The following COL10A1 variants were observed in gnomAD, a reference collection of about 807,000 sequenced individuals.
COL10A1 encodes collagen alpha-1(X) chain.
A neutral mutation model predicts 18.2 loss-of-function variants in COL10A1; 10 were observed. That is an observed-to-expected ratio of 0.55 (90% CI 0.34 to 0.93). The LOEUF is 0.93. Among genes scored for constraint, COL10A1 ranks in the 40% least tolerant of loss-of-function variants. The pLI, the probability that COL10A1 is intolerant of heterozygous loss-of-function variation, is 0.02. For synonymous variants in COL10A1, 330 were observed against 316.6 expected (o/e 1.04, Z -0.45); for missense variants, 897 against 853.5 (o/e 1.05, Z -0.64).
intron 1 of COL10A1, among the ~76,000 whole-genome samples, chr6:116,153,401 G>C (rs1035107905): frequency 6.6e-6 from 1 of 152,118 alleles, no homozygotes; most frequent in African/African-American, 2.4e-5. Flanking sequence ...TCTGTTGTCA[G>C]ATGATACATT....
chr6:116,194,099 A>G, the COL10A1 span, among the ~76,000 whole-genome samples: 1 of 152,024 alleles, frequency 6.6e-6, no homozygotes, highest in Non-Finnish European at 1.5e-5. Context: ...AAGTAAAAGC[A>G]ATTAGGAACT....
chr6:116,145,211 G>GATAACAGCTAACTATTAAATGTCCCCAAA (rs2114378498), intron 1 of COL10A1, among the ~76,000 whole-genome samples: 2 of 152,230 alleles, frequency 1.3e-5, no homozygotes, highest in African/African-American at 4.8e-5. Context: ...GAGGACAACT[G>GATAACAGCTAACTATTAAATGTCCCCAAA]ATAACAGCTA....
At position 116,140,722 on chromosome 6, in the gene COL10A1, A is replaced by G. The variant is rs529559313; in HGVS notation, c.-15-15215T>C. 1.2e-3 allele frequency among the ~76,000 whole-genome samples: 183 copies of G among 152,292 alleles called. 1 individual carries two copies. Among genetic ancestry groups the G allele is most frequent in the South Asian group, 7.7e-3 (37 of 4,826 alleles). On this transcript the variant is annotated intron_variant, in intron 1 of 1. Transcript: ENST00000418500. ...TTGCATGTTTTTAAATTATATATTTAAAAGGAATTACACTGTATGTATCTG... is the reference window on the plus strand; with the variant it reads ...TTGCATGTTTTTAAATTATATATTTGAAAGGAATTACACTGTATGTATCTG...
Position 116,121,626 on chromosome 6 carries a change from T to G in COL10A1, c.490A>C (p.Thr164Pro), listed in dbSNP as rs527396680. 8 of 1,613,918 alleles carry G rather than the reference T, an allele frequency of 5.0e-6. No individual in the cohort carries two copies. In the Admixed American group the frequency reaches 1.2e-4, roughly 24 times the overall value. Residue 164 changes from threonine (T) to proline (P), a missense_variant, in exon 3 of 3, where the codon ACA becomes CCA. Thr to Pro is a conservative substitution (Grantham distance 38). Transcript: ENST00000651968. ...AAGCCCCTGGGTCCTGGGGCTCCTG[T>G]GGGTCCCTGTTGTCCAGGTTTTCCT... ...VPGKPGQQGP[T>P]GAPGPRGFPG... is the part of the protein sequence containing the mutation.
At chr6:116,192,305 CAATA>C in the COL10A1 span, among the ~76,000 whole-genome samples, 1 of 151,840 alleles carries the variant, frequency 6.6e-6, no homozygotes, top group Non-Finnish European at 1.5e-5. Flanking sequence ...GAGGAGCTCT[CAATA>C]AATATCAGCA....
the COL10A1 span, among the ~76,000 whole-genome samples, chr6:116,184,954 G>A: frequency 1.6e-4 from 25 of 151,982 alleles, no homozygotes; most frequent in African/African-American, 6.0e-4. Flanking sequence ...CTAGCTCCTT[G>A]AGTGTGACCT....
chr6:116,169,019 A>G, the COL10A1 span, among the ~76,000 whole-genome samples: 1 of 152,046 alleles, frequency 6.6e-6, no homozygotes, highest in African/African-American at 2.4e-5. Context: ...ATTAGCCTCT[A>G]CCTAACCTTG....
chr6:116,158,648 G>C (rs1391916675), exon 1 of COL10A1: 1 of 152,110 alleles, frequency 6.6e-6, no homozygotes, highest in Non-Finnish European at 1.5e-5. Flanking sequence ...TATGCTTGTT[G>C]TTGGCTGCTC....
the COL10A1 span, among the ~76,000 whole-genome samples, chr6:116,176,877 C>T: frequency 6.6e-6 from 1 of 152,160 alleles, no homozygotes; most frequent in Non-Finnish European, 1.5e-5. Context: ...CTTCTCACTT[C>T]TCCAAGTGCA....
the COL10A1 span, among the ~76,000 whole-genome samples, chr6:116,214,338 A>G: frequency 2.6e-5 from 4 of 152,312 alleles, no homozygotes; most frequent in South Asian, 8.3e-4. Flanking sequence ...TTACTTAAAA[A>G]GATTTTTACT....
the COL10A1 span, among the ~76,000 whole-genome samples, chr6:116,167,206 A>ATTTT: frequency 1.1e-3 from 99 of 87,814 alleles, 4 homozygotes; most frequent in African/African-American, 3.0e-3. Flanking sequence ...CAAATAGAAG[A>ATTTT]TTTTTTTTTT....
chr6:116,156,289 A>C (rs1244548177), intron 1 of COL10A1, among the ~76,000 whole-genome samples: 1 of 152,128 alleles, frequency 6.6e-6, no homozygotes, highest in Non-Finnish European at 1.5e-5. Context: ...AAAACTAATG[A>C]ACTTTGTTTT....
At chr6:116,141,028 A>C (rs1779752491) in intron 1 of COL10A1, among the ~76,000 whole-genome samples, 2 of 152,130 alleles carry the variant, frequency 1.3e-5, no homozygotes, top group Non-Finnish European at 2.9e-5. Context: ...GCTAATTCCA[A>C]ATTATTTTCT....
chr6:116,138,631 G>T (rs1392071417), intron 1 of COL10A1, among the ~76,000 whole-genome samples: 2 of 152,024 alleles, frequency 1.3e-5, no homozygotes, highest in Non-Finnish European at 2.9e-5. Context: ...GGACATCATG[G>T]CTTGTTATAA....
chr6:116,188,378 T>C, the COL10A1 span, among the ~76,000 whole-genome samples: 1 of 152,082 alleles, frequency 6.6e-6, no homozygotes, highest in Non-Finnish European at 1.5e-5. Context: ...CATTCACTAT[T>C]ACACCAAATT....
the COL10A1 span, among the ~76,000 whole-genome samples, chr6:116,184,262 G>C: frequency 1.3e-5 from 2 of 152,078 alleles, no homozygotes; most frequent in Non-Finnish European, 2.9e-5. Context: ...ACTTGATCAT[G>C]ATTGATAATC....
chr6:116,147,679 CTT>C (rs538084312), intron 1 of COL10A1, among the ~76,000 whole-genome samples: 1 of 152,176 alleles, frequency 6.6e-6, no homozygotes, highest in East Asian at 1.9e-4. Flanking sequence ...TGTTACAAGA[CTT>C]TATATAAACT....
chr6:116,135,988 A>G (rs748237957), intron 1 of COL10A1, among the ~76,000 whole-genome samples: 32 of 151,784 alleles, frequency 2.1e-4, no homozygotes, highest in Non-Finnish European at 3.8e-4. Flanking sequence ...AGTATATGAT[A>G]CAGTATCTCG....
Position 116,149,288 on chromosome 6 carries a change from A to T in COL10A1, c.-16+9326T>A, listed in dbSNP as rs1351257315. Among the ~76,000 whole-genome samples the T allele has an allele frequency of 3.3e-5, 5 of 152,332 alleles. No individual in the cohort carries two copies. The South Asian group carries it at 1.0e-3, about 32-fold the overall frequency. On this transcript the variant is annotated intron_variant, in intron 1 of 1. Transcript: ENST00000418500. ...GAATTTTTAAAATAATAGCTTAAGT[A>T]TATGTTTTCATCACTGCAAAATTTC... is the stretch of plus-strand genomic sequence containing the variant.
Sources: gnomAD v4.1 joint callset for allele counts (sites outside exome capture counted in the v4.1 genomes callset) on GRCh38, gnomAD v4.1.1 for gene constraint, MANE v1.5 for transcripts, NCBI Gene and HGNC (gene_info 2026-07-23, HGNC 2026-07-21) for gene names.